Variants in CEP85L observed in about 807,000 individuals in gnomAD.
CEP85L encodes centrosomal protein 85L.
Under a neutral mutation model 100.3 loss-of-function variants are expected in CEP85L, and 60 were observed. The observed-to-expected ratio is 0.60, with a 90% CI of 0.49 to 0.74. CEP85L has a LOEUF of 0.74. Among genes scored for constraint, CEP85L ranks in the 30% least tolerant of loss-of-function variants. The pLI, the probability that CEP85L is intolerant of heterozygous loss-of-function variation, is 0.00. For missense variants in CEP85L, 973 were observed against 936.2 expected, an observed-to-expected ratio of 1.04 and a Z score of -0.51; for synonymous variants, 319 against 322.7, an observed-to-expected ratio of 0.99 and a Z score of 0.12.
At chr6:118,613,583 CCT>C in intron 2 of CEP85L, among the ~76,000 whole-genome samples, 1 of 151,758 alleles carries the variant, frequency 6.6e-6, no homozygotes, top group African/African-American at 2.4e-5. Flanking sequence ...ATGGCAAAAT[CCT>C]CTCTCTACTA....
At chr6:118,678,467 C>T (rs139506685) in intron 1 of CEP85L, among the ~76,000 whole-genome samples, 1 of 152,154 alleles carries the variant, frequency 6.6e-6, no homozygotes, top group Non-Finnish European at 1.5e-5. Flanking sequence ...CACCAGCCAC[C>T]GTATATTTGT....
Position 118,612,676 on chromosome 6 carries a change from CGGGGG to C in CEP85L, c.232+19772_232+19776del, listed in dbSNP as rs55782430. ...ACTCTGTCTCAAAAAAAAAAAAAAG[CGGGGG>C]GGGGGGGGGGGGACTCTCAAATCAG... is the stretch of plus-strand genomic sequence containing the variant. On this transcript the variant is annotated intron_variant, in intron 2 of 12. Coordinates refer to ENST00000368491, the MANE Select transcript of CEP85L (RefSeq NM_001042475.3). Among the ~76,000 whole-genome samples the C allele has an allele frequency of 4.4e-4, 34 of 77,462 alleles. 1 individual carries two copies. In the East Asian group the frequency reaches 6.2e-3, roughly 14 times the overall value. The allele number at this position is 77,462 out of a possible 152,430, so 50.8% of individuals were successfully genotyped here.
chr6:118,526,249 T>C (rs1206365441), intron 3 of CEP85L, among the ~76,000 whole-genome samples: 1 of 152,174 alleles, frequency 6.6e-6, no homozygotes, highest in East Asian at 1.9e-4. Flanking sequence ...CTGAAGTAGT[T>C]TCACTGTGGT....
At chr6:118,634,083 TAAGTA>T (rs1311272579) in intron 1 of CEP85L, among the ~76,000 whole-genome samples, 1 of 152,252 alleles carries the variant, frequency 6.6e-6, no homozygotes. Context: ...CAGTTGCTTC[TAAGTA>T]AAGAGCAAAT....
chr6:118,613,494 C>T lies in CEP85L; in HGVS notation c.232+18959G>A, dbSNP rs543255965. On this transcript the variant is annotated intron_variant, in intron 2 of 12. Transcript: ENST00000368491. ...CCCACTGGCCAGGTGCAGTGGCTCA[C>T]GCCTGTAATCCTAGTACTTTGTGGG... 1.6e-4 allele frequency among the ~76,000 whole-genome samples: 25 copies of T among 152,110 alleles called. 2 individuals are homozygous for T. The East Asian group carries it at 3.7e-3, about 22-fold the overall frequency.
At chr6:118,589,748 A>T (rs888499650) in intron 2 of CEP85L, 3 of 222,046 alleles carry the variant, frequency 1.4e-5, no homozygotes, top group Non-Finnish European at 2.7e-5. Flanking sequence ...TAGCAAGTGA[A>T]AGCAGGAGTT....
intron 2 of CEP85L, among the ~76,000 whole-genome samples, chr6:118,609,450 A>G (rs1772463801): frequency 6.6e-6 from 1 of 152,238 alleles, no homozygotes; most frequent in Non-Finnish European, 1.5e-5. Flanking sequence ...AATACATAAT[A>G]GTAGTTGACA....
chr6:118,652,474 A>G, upstream of CEP85L: 10 of 1,297,690 alleles, frequency 7.7e-6, no homozygotes, highest in Non-Finnish European at 9.8e-6. Context: ...ATTCTGGGCC[A>G]GCACTGTGGT....
chr6:118,468,946 A>G (rs1452853445), intron 12 of CEP85L, 126 bp downstream of exon 12: 1 of 668,852 alleles, frequency 1.5e-6, no homozygotes, highest in Non-Finnish European at 2.6e-6. Flanking sequence ...ACATAAACCC[A>G]CAGACTGATT....
At chr6:118,541,801 T>C (rs560379049) in intron 3 of CEP85L, among the ~76,000 whole-genome samples, 6 of 152,310 alleles carry the variant, frequency 3.9e-5, no homozygotes, top group African/African-American at 1.4e-4. Flanking sequence ...AGTTGCTTAG[T>C]TGGTACAGTC....
chr6:118,478,125 T>A (rs559547583), intron 10 of CEP85L, among the ~76,000 whole-genome samples: 1 of 152,108 alleles, frequency 6.6e-6, no homozygotes, highest in African/African-American at 2.4e-5. Flanking sequence ...TTAACCACAA[T>A]AGAAAGCCAC....
chr6:118,561,079 A>G (rs1249985432), intron 3 of CEP85L, among the ~76,000 whole-genome samples: 1 of 152,146 alleles, frequency 6.6e-6, no homozygotes, highest in African/African-American at 2.4e-5. Context: ...AATTTTCTGA[A>G]CCCATGAGAG....
intron 5 of CEP85L, chr6:118,502,524 G>T: frequency 8.1e-6 from 4 of 494,522 alleles, no homozygotes; most frequent in South Asian, 1.8e-5. Flanking sequence ...AGGACATTTG[G>T]ACTCTAATAC....
intron 1 of CEP85L, among the ~76,000 whole-genome samples, chr6:118,676,407 A>G (rs1274861562): frequency 6.6e-6 from 1 of 152,102 alleles, no homozygotes; most frequent in Non-Finnish European, 1.5e-5. Flanking sequence ...AACTTTTTTT[A>G]GATTCCACAT....
chr6:118,577,334 A>G (rs946865213), intron 2 of CEP85L, among the ~76,000 whole-genome samples: 2 of 152,156 alleles, frequency 1.3e-5, no homozygotes, highest in Non-Finnish European at 2.9e-5. Flanking sequence ...CTCTAATCCA[A>G]TTGGCAATCC....
rs58066356 is a variant in CEP85L, at chr6:118,600,370, T to TGTGTGTGTGTGTGTGTGTGTGTGTGTGG, written c.232+32082_232+32083insCCACACACACACACACACACACACACAC. On this transcript the variant is annotated intron_variant, in intron 2 of 12. Coordinates refer to ENST00000368491, the MANE Select transcript of CEP85L (RefSeq NM_001042475.3). The stretch of plus-strand genomic sequence containing the variant: ...GTGTGTGTGTGTGTGTGTGTGTGTG[T>TGTGTGTGTGTGTGTGTGTGTGTGTGTGG]AACGCCATGGAGCAATCTCAGCTCA... Among the ~76,000 whole-genome samples the TGTGTGTGTGTGTGTGTGTGTGTGTGTGG allele has an allele frequency of 2.3e-4, 20 of 86,442 alleles. 7 individuals are homozygous for TGTGTGTGTGTGTGTGTGTGTGTGTGTGG. The highest frequency in any genetic ancestry group is 3.3e-4 in the Non-Finnish European group (13 of 39,068). 56.7% of individuals were successfully genotyped at this position (86,442 alleles called of 152,430 possible). A position where few individuals can be genotyped will look rare whatever the true frequency, so the allele number is the denominator to read the frequency against.
rs537782919 is a variant in CEP85L at position 118,707,850 on chromosome 6, T to C, written c.-28+2186A>G. On this transcript the variant is annotated intron_variant, in intron 1 of 13. Transcript: ENST00000368488. ...ATATAAAGATACTCAAGCTCACTTATAGCCAGGAAAATAAAAATTAAACAT... is the reference window on the plus strand; with the variant it reads ...ATATAAAGATACTCAAGCTCACTTACAGCCAGGAAAATAAAAATTAAACAT... 2.6e-5 allele frequency among the ~76,000 whole-genome samples: 4 copies of C among 152,140 alleles called. No individual in the cohort carries two copies. In the East Asian group the frequency reaches 5.8e-4, roughly 22 times the overall value.
At chr6:118,506,396 G>C (rs977378880) in intron 5 of CEP85L, among the ~76,000 whole-genome samples, 1 of 152,084 alleles carries the variant, frequency 6.6e-6, no homozygotes, top group Non-Finnish European at 1.5e-5. Flanking sequence ...GGAGTAGGAG[G>C]GAGCATAACC....
intron 5 of CEP85L, among the ~76,000 whole-genome samples, chr6:118,510,999 A>G (rs1466588203): frequency 2.0e-5 from 3 of 152,052 alleles, no homozygotes; most frequent in Admixed American, 6.6e-5. Flanking sequence ...ATATTCTTAT[A>G]TTTTTTTAAA....
Sources: allele counts gnomAD v4.1 joint callset (sites outside exome capture counted in the v4.1 genomes callset), GRCh38; gene constraint gnomAD v4.1.1; transcripts MANE v1.5; gene names NCBI Gene and HGNC (gene_info 2026-07-23, HGNC 2026-07-21).